Variants in DLG2 observed in about 807,000 individuals in gnomAD.
DLG2 encodes the protein disks large homolog 2.
A neutral mutation model predicts 132.5 loss-of-function variants in DLG2; 45 were observed. The ratio of observed to expected loss-of-function variants is 0.34; its 90% confidence interval spans 0.27 to 0.44. DLG2 has a LOEUF of 0.44. Among genes scored for constraint, DLG2 ranks in the 20% least tolerant of loss-of-function variants. DLG2 has a pLI of 1.00. For synonymous variants in DLG2, 424 were observed against 419.6 expected (o/e 1.01, Z -0.13); for missense variants, 1,045 against 1,196.9 (o/e 0.87, Z 1.87).
intron 9 of DLG2, among the ~76,000 whole-genome samples, chr11:84,105,984 A>G (rs2092882129): frequency 6.6e-6 from 1 of 152,134 alleles, no homozygotes; most frequent in African/African-American, 2.4e-5. Flanking sequence ...CTCAGCCCCT[A>G]ATCTGTAAAT....
At chr11:83,742,886 C>T (rs886988930) in intron 18 of DLG2, among the ~76,000 whole-genome samples, 16 of 152,158 alleles carry the variant, frequency 1.1e-4, no homozygotes, top group African/African-American at 3.9e-4. Context: ...TGGCATTAGA[C>T]ACCCAGAAGT....
intron 6 of DLG2, among the ~76,000 whole-genome samples, chr11:84,706,775 C>A (rs922937004): frequency 6.6e-6 from 1 of 151,732 alleles, no homozygotes; most frequent in Non-Finnish European, 1.5e-5. Context: ...TATTCATTAT[C>A]TCTTACTTTG....
intron 6 of DLG2, among the ~76,000 whole-genome samples, chr11:85,107,383 T>C (rs1238723362): frequency 6.6e-6 from 1 of 152,054 alleles, no homozygotes; most frequent in Non-Finnish European, 1.5e-5. Context: ...GAATTGAGGA[T>C]ATTCAGAACT....
chr11:84,332,650 C>T, intron 7 of DLG2, among the ~76,000 whole-genome samples: 1 of 151,568 alleles, frequency 6.6e-6, no homozygotes, highest in Non-Finnish European at 1.5e-5. Context: ...GGCCGCTTGT[C>T]CTTCTTTAAA....
chr11:83,532,616 A>G (rs1449422937), intron 21 of DLG2, 92 bp downstream of exon 21: 1 of 1,041,008 alleles, frequency 9.6e-7, no homozygotes, highest in Non-Finnish European at 1.5e-6. Context: ...GTACCTTCAT[A>G]ATTTGTTTGC....
Position 85,344,879 on chromosome 11 carries a change from A to T in DLG2, c.41-59514T>A, listed in dbSNP as rs556951991. On this transcript the variant is annotated intron_variant, in intron 3 of 27. Coordinates refer to ENST00000376104, the MANE Select transcript of DLG2 (RefSeq NM_001142699.3). The stretch of plus-strand genomic sequence containing the variant: ...CATTACAGAATTTATTTTAAATCTT[A>T]GAGAAAATAAAAAGTTGATAGTAAC... Among the ~76,000 whole-genome samples, 6 of 152,222 alleles carry T rather than the reference A, an allele frequency of 3.9e-5. No individual in the cohort carries two copies. In the East Asian group the frequency reaches 1.2e-3, roughly 29 times the overall value.
chr11:84,838,896 G>A (rs2080197133), intron 6 of DLG2, among the ~76,000 whole-genome samples: 1 of 152,038 alleles, frequency 6.6e-6, no homozygotes, highest in African/African-American at 2.4e-5. Flanking sequence ...ATACTGAATG[G>A]GCAAAAACTG....
At chr11:84,428,381 T>C (rs929419466) in intron 7 of DLG2, among the ~76,000 whole-genome samples, 14 of 152,078 alleles carry the variant, frequency 9.2e-5, no homozygotes, top group African/African-American at 2.9e-4. Flanking sequence ...TGGTGGGAGG[T>C]GGTATAACAA....
At chr11:84,980,137 A>C (rs1253189068) in intron 6 of DLG2, among the ~76,000 whole-genome samples, 1 of 152,202 alleles carries the variant, frequency 6.6e-6, no homozygotes, top group Non-Finnish European at 1.5e-5. Context: ...CCATCGTGTC[A>C]AGTAGTCAGT....
At chr11:85,250,836 T>C (rs1428671119) in intron 4 of DLG2, among the ~76,000 whole-genome samples, 1 of 152,206 alleles carries the variant, frequency 6.6e-6, no homozygotes, top group Non-Finnish European at 1.5e-5. Context: ...CTTCAAATGG[T>C]CATATTTTTT....
intron 8 of DLG2, among the ~76,000 whole-genome samples, chr11:84,219,412 T>TA (rs1280207731): frequency 2.6e-5 from 4 of 152,236 alleles, no homozygotes; most frequent in Non-Finnish European, 5.9e-5. Flanking sequence ...TGATTCTTAA[T>TA]AAAATCATAA....
chr11:85,130,971 A>G (rs868650037), intron 5 of DLG2, among the ~76,000 whole-genome samples: 2 of 152,344 alleles, frequency 1.3e-5, no homozygotes, highest in Middle Eastern at 6.8e-3. Flanking sequence ...AAGATGTTAT[A>G]TACATCACTC....
intron 19 of DLG2, among the ~76,000 whole-genome samples, chr11:83,622,738 T>C (rs914566241): frequency 4.6e-5 from 7 of 152,218 alleles, no homozygotes; most frequent in African/African-American, 1.7e-4. Flanking sequence ...TGGTAGTAAT[T>C]ACTATTTTTA....
intron 6 of DLG2, among the ~76,000 whole-genome samples, chr11:84,619,225 T>G (rs2154540648): frequency 6.6e-6 from 1 of 151,986 alleles, no homozygotes; most frequent in African/African-American, 2.4e-5. Flanking sequence ...GAAAGAATTC[T>G]TAGGGAAATT....
At chr11:85,022,089 G>C (rs2060125428) in intron 6 of DLG2, among the ~76,000 whole-genome samples, 3 of 151,818 alleles carry the variant, frequency 2.0e-5, no homozygotes, top group South Asian at 2.1e-4. Flanking sequence ...TCATAAAATA[G>C]GAATGTAATA....
intron 3 of DLG2, among the ~76,000 whole-genome samples, chr11:85,590,502 T>C (rs549610530): frequency 6.6e-6 from 1 of 152,292 alleles, no homozygotes; most frequent in East Asian, 1.9e-4. Context: ...TCACATTCTA[T>C]TAACTTGATT....
intron 2 of DLG2, among the ~76,000 whole-genome samples, chr11:85,605,933 G>A (rs1306408020): frequency 3.9e-5 from 6 of 151,990 alleles, no homozygotes; most frequent in South Asian, 4.1e-4. Flanking sequence ...AGCTGAGATC[G>A]TGCCACTGCA....
At chr11:85,448,038 C>A (rs2092086051) in intron 3 of DLG2, among the ~76,000 whole-genome samples, 1 of 152,090 alleles carries the variant, frequency 6.6e-6, no homozygotes, top group Non-Finnish European at 1.5e-5. Flanking sequence ...TGACTCTGGG[C>A]AAGTTATTTA....
At chr11:84,051,034 C>T (rs945115113) in intron 11 of DLG2, among the ~76,000 whole-genome samples, 3 of 152,002 alleles carry the variant, frequency 2.0e-5, no homozygotes, top group East Asian at 3.9e-4. Context: ...TGCTCATCAT[C>T]GCTGGCCATC....
Sources: allele counts gnomAD v4.1 joint callset (sites outside exome capture counted in the v4.1 genomes callset), GRCh38; gene constraint gnomAD v4.1.1; transcripts MANE v1.5; gene names NCBI Gene and HGNC (gene_info 2026-07-23, HGNC 2026-07-21).